Variants in PSMC6 observed in about 807,000 individuals in gnomAD.
The protein encoded by PSMC6 is proteasome 26S subunit, ATPase 6, also known as 26S proteasome regulatory subunit 10B.
In PSMC6, 3 loss-of-function variants were observed where a neutral mutation model predicts 55.9. That is an observed-to-expected ratio of 0.05 (90% CI 0.02 to 0.14). The LOEUF is 0.14. PSMC6 is among the 10% of genes least tolerant of loss of function. The pLI is 1.00. For missense variants in PSMC6, 210 were observed against 478.7 expected (o/e 0.44, Z 5.24); for synonymous variants, 137 against 155.9 (o/e 0.88, Z 0.90).
chr14:52,708,512 T>G lies in PSMC6; in HGVS notation c.195T>G (p.Thr65=), dbSNP rs2041729803. The change falls in exon 3 of 14, where the codon ACT becomes ACG. Residue 65 remains threonine (T), a synonymous_variant. Transcript: ENST00000445930. ...TGGGTGAAGTGCTTAAACAGTTAAC[T>G]GAAGAAAAATGTGAGTGATGAATTA... is the stretch of plus-strand genomic sequence containing the variant. ...QIVGEVLKQL[T]EEKFIVKATN... is the part of the protein sequence containing the mutation. 1 of 1,613,586 alleles carries G rather than the reference T, an allele frequency of 6.2e-7. No homozygotes were observed.
intron 6 of PSMC6, among the ~76,000 whole-genome samples, chr14:52,712,573 T>C (rs1054873944): frequency 2.0e-5 from 3 of 152,106 alleles, no homozygotes; most frequent in Non-Finnish European, 4.4e-5. Context: ...GAGTATTGAT[T>C]TCTCTCACTT....
intron 7 of PSMC6, among the ~76,000 whole-genome samples, chr14:52,715,618 TC>T (rs1336979833): frequency 6.6e-6 from 1 of 151,348 alleles, no homozygotes; most frequent in Non-Finnish European, 1.5e-5. Context: ...TCTTTTCTTT[TC>T]TTTTTTTTTT....
intron 4 of PSMC6, chr14:52,710,467 A>T (rs2041759130): frequency 6.6e-6 from 1 of 152,346 alleles, no homozygotes; most frequent in Non-Finnish European, 1.5e-5. Context: ...TTTGAAAAGT[A>T]ACAACATCCT....
chr14:52,713,875 T>C lies in PSMC6; in HGVS notation c.442-6T>C. Reference sequence around the variant, plus strand: ...CTTTTTAAGAAAGATTTAACTTCTTTTCTAGGTGATAGAATTACCTCTTAC... The same window carrying C: ...CTTTTTAAGAAAGATTTAACTTCTTCTCTAGGTGATAGAATTACCTCTTAC... On this transcript the variant is annotated splice_polypyrimidine_tract_variant and splice_region_variant and intron_variant, in intron 6 of 13. Transcript: ENST00000445930. 1.9e-6 allele frequency: 3 copies of C among 1,546,082 alleles called. No homozygotes were observed. Among genetic ancestry groups the C allele is most frequent in the Non-Finnish European group, 2.7e-6 (3 of 1,131,132 alleles).
intron 12 of PSMC6, chr14:52,722,848 A>G (rs1880255154): frequency 6.6e-6 from 1 of 152,192 alleles, no homozygotes; most frequent in Non-Finnish European, 1.5e-5. Context: ...AATAGTTACA[A>G]CAGAAACCAT....
chr14:52,715,860 G>A (rs780946681), intron 7 of PSMC6, among the ~76,000 whole-genome samples: 7 of 151,904 alleles, frequency 4.6e-5, no homozygotes, highest in African/African-American at 7.3e-5. Context: ...CAAGCAACCC[G>A]CCCACCTCAG....
rs66797420 is a variant in PSMC6 at position 52,727,018 on chromosome 14, AT to A, written c.1052-460del. Among the ~76,000 whole-genome samples, 497 of 102,120 alleles carry A rather than the reference AT, an allele frequency of 4.9e-3. 1 individual carries two copies. The highest frequency in any genetic ancestry group is 0.018 in the African/African-American group (458 of 24,758). The allele number at this position is 102,120 out of a possible 152,430, so 67.0% of individuals were successfully genotyped here. On this transcript the variant is annotated intron_variant, in intron 13 of 13. Coordinates refer to ENST00000445930, the MANE Select transcript of PSMC6 (RefSeq NM_002806.5). ...GAACATAATCACAACACCGCTATGGATTTTTTTTTTTTTTTTTTTTTGAGAT... is the reference window on the plus strand; with the variant it reads ...GAACATAATCACAACACCGCTATGGATTTTTTTTTTTTTTTTTTTTGAGAT...
intron 4 of PSMC6, chr14:52,710,526 G>T (rs1269829115): frequency 2.0e-5 from 3 of 152,650 alleles, no homozygotes; most frequent in African/African-American, 4.8e-5. Flanking sequence ...GATAAGCCAA[G>T]AAATTATTTA....
chr14:52,718,207 T>C (rs777980837), intron 8 of PSMC6, 22 bp from the exon 9 acceptor site: 2 of 1,609,894 alleles, frequency 1.2e-6, no homozygotes, highest in South Asian at 2.2e-5. Flanking sequence ...TATATTTACC[T>C]TACTGTTTTT....
intron 7 of PSMC6, among the ~76,000 whole-genome samples, chr14:52,717,822 A>G (rs963063612): frequency 2.6e-5 from 4 of 151,926 alleles, no homozygotes; most frequent in African/African-American, 9.7e-5. Flanking sequence ...GTTCAAGACC[A>G]GCCTGCGCAA....
Position 52,708,924 on chromosome 14 carries a change from C to G in PSMC6, c.258+108C>G, listed in dbSNP as rs559161819. The G allele has an allele frequency of 1.0e-4, 151 of 1,488,548 alleles. 1 individual carries two copies. In the South Asian group the frequency reaches 1.8e-3, roughly 18 times the overall value. 92.2% of individuals were successfully genotyped at this position (1,488,548 alleles called of 1,614,324 possible). A position where few individuals can be genotyped will look rare whatever the true frequency, so the allele number is the denominator to read the frequency against. ...AGGTGGAGCATTTATGCCCATAACT[C>G]ACAAGGATGATTTGTTCAGACATAG... On this transcript the variant is annotated intron_variant, in intron 4 of 13. Coordinates refer to ENST00000445930, the MANE Select transcript of PSMC6 (RefSeq NM_002806.5).
At chr14:52,712,516 T>C (rs974004750) in intron 6 of PSMC6, among the ~76,000 whole-genome samples, 6 of 152,160 alleles carry the variant, frequency 3.9e-5, no homozygotes, top group African/African-American at 1.2e-4. Context: ...AAGAATCCCA[T>C]GTATACATGC....
At position 52,708,472 on chromosome 14, in the gene PSMC6, T is replaced by G; in HGVS notation, c.166-11T>G. On this transcript the variant is annotated splice_polypyrimidine_tract_variant and intron_variant, in intron 2 of 13. Transcript: ENST00000445930. ...TTGCCAAAAAGTAATGCTTTTTATT[T>G]TCTTCCTTAGATCGTGGGTGAAGTG... 6.2e-7 allele frequency: 1 copy of G among 1,614,022 alleles called. No individual in the cohort carries two copies. The highest frequency in any genetic ancestry group is 8.5e-7 in the Non-Finnish European group (1 of 1,179,944).
Position 52,718,068 on chromosome 14 carries a change from T to C in PSMC6, c.530-13T>C. 6.2e-7 allele frequency: 1 copy of C among 1,611,540 alleles called. No homozygotes were observed. Among genetic ancestry groups the C allele is most frequent in the Non-Finnish European group, 8.5e-7 (1 of 1,179,382 alleles). On this transcript the variant is annotated splice_polypyrimidine_tract_variant and intron_variant, in intron 7 of 13. Transcript: ENST00000445930. ...CCTTACCATCTAATTAAGACTTCTT[T>C]TGTCATTCTTAGGTACGGGAAAAAC...
At chr14:52,710,993 C>T in intron 4 of PSMC6, 108 bp from the exon 5 acceptor site, 1 of 871,338 alleles carries the variant, frequency 1.1e-6, no homozygotes, top group Non-Finnish European at 1.8e-6. Context: ...TATTTGTGTT[C>T]TCTCTGGAGG....
Position 52,713,869 on chromosome 14 carries a change from C to T in PSMC6, c.442-12C>T, listed in dbSNP as rs1566657857. 3 of 1,522,294 alleles carry T rather than the reference C, an allele frequency of 2.0e-6. No individual in the cohort carries two copies. The highest frequency in any genetic ancestry group is 2.7e-6 in the Non-Finnish European group (3 of 1,112,436). 94.3% of individuals were successfully genotyped at this position (1,522,294 alleles called of 1,614,324 possible). A position where few individuals can be genotyped will look rare whatever the true frequency, so the allele number is the denominator to read the frequency against. ...GACTAACTTTTTAAGAAAGATTTAA[C>T]TTCTTTTCTAGGTGATAGAATTACC... On this transcript the variant is annotated splice_polypyrimidine_tract_variant and intron_variant, in intron 6 of 13. Coordinates refer to ENST00000445930, the MANE Select transcript of PSMC6 (RefSeq NM_002806.5).
intron 13 of PSMC6, among the ~76,000 whole-genome samples, chr14:52,725,506 A>G (rs1276930472): frequency 1.3e-5 from 2 of 152,084 alleles, no homozygotes; most frequent in African/African-American, 4.8e-5. Flanking sequence ...TCCTGACATT[A>G]TCTCTTTTGG....
chr14:52,711,323 C>A, intron 5 of PSMC6, 87 bp from the exon 6 acceptor site: 1 of 1,318,444 alleles, frequency 7.6e-7, no homozygotes, highest in Non-Finnish European at 1.1e-6. Context: ...GCTACAGGTG[C>A]TTGCTTGAGC....
At chr14:52,726,657 T>A (rs558882034) in intron 13 of PSMC6, among the ~76,000 whole-genome samples, 1 of 152,292 alleles carries the variant, frequency 6.6e-6, no homozygotes, top group South Asian at 2.1e-4. Flanking sequence ...ATTTTATTTT[T>A]TTGAGACAGA....
Sources: allele counts gnomAD v4.1 joint callset (sites outside exome capture counted in the v4.1 genomes callset), GRCh38; gene constraint gnomAD v4.1.1; transcripts MANE v1.5; gene names NCBI Gene and HGNC (gene_info 2026-07-23, HGNC 2026-07-21).